The following DNAI4 variants were observed in gnomAD, a reference collection of about 807,000 sequenced individuals.
The protein encoded by DNAI4 is dynein axonemal intermediate chain 4, also known as WD repeat domain 78.
A neutral mutation model predicts 105.8 loss-of-function variants in DNAI4; 85 were observed. The ratio of observed to expected loss-of-function variants is 0.80; its 90% CI spans 0.67 to 0.96. DNAI4 has a LOEUF of 0.96. Ranked by LOEUF, DNAI4 falls within the 40% of genes least tolerant of loss-of-function variation. DNAI4 has a pLI of 0.00. For synonymous variants in DNAI4, 352 were observed against 331.5 expected (o/e 1.06, Z -0.67); for missense variants, 1,014 against 1,005.6 (o/e 1.01, Z -0.11).
At chr1:66,864,848 A>G (rs1646699115) in intron 6 of DNAI4, among the ~76,000 whole-genome samples, 1 of 152,194 alleles carries the variant, frequency 6.6e-6, no homozygotes, top group Non-Finnish European at 1.5e-5. Flanking sequence ...CTCAAAAAAG[A>G]GCAAGGTAAT....
chr1:66,911,203 A>G (rs573500860), intron 1 of DNAI4, among the ~76,000 whole-genome samples: 1 of 152,322 alleles, frequency 6.6e-6, no homozygotes, highest in Non-Finnish European at 1.5e-5. Flanking sequence ...ACTCAGAGAA[A>G]CACTTACTTT....
At chr1:66,866,051 C>G (rs1195433859) in intron 6 of DNAI4, among the ~76,000 whole-genome samples, 1 of 152,072 alleles carries the variant, frequency 6.6e-6, no homozygotes, top group South Asian at 2.1e-4. Context: ...GCTCATGTCT[C>G]ATCCCAGCAC....
chr1:66,845,183 T>A (rs1200480765), intron 8 of DNAI4, among the ~76,000 whole-genome samples: 1 of 98,604 alleles, frequency 1.0e-5, no homozygotes, highest in Admixed American at 1.2e-4. Flanking sequence ...AGAGCGAAAC[T>A]CCATCTCAAA....
chr1:66,829,334 T>C (rs1645820339), intron 13 of DNAI4, among the ~76,000 whole-genome samples: 1 of 151,962 alleles, frequency 6.6e-6, no homozygotes, highest in Non-Finnish European at 1.5e-5. Flanking sequence ...AAAATTTAAG[T>C]ATAAAGAGAC....
intron 1 of DNAI4, among the ~76,000 whole-genome samples, chr1:66,906,543 T>C (rs961861152): frequency 6.6e-6 from 1 of 152,222 alleles, no homozygotes; most frequent in Non-Finnish European, 1.5e-5. Context: ...ACTTGACATT[T>C]TGTTGTTGTC....
At chr1:66,897,343 G>T (rs1370606475) in intron 2 of DNAI4, among the ~76,000 whole-genome samples, 1 of 152,144 alleles carries the variant, frequency 6.6e-6, no homozygotes, top group Non-Finnish European at 1.5e-5. Context: ...AAAGGGATGA[G>T]ATTACAAAAA....
chr1:66,890,785 G>A lies in DNAI4; in HGVS notation c.643+369C>T, dbSNP rs1181095997. ...AGGAAGAGGAAGAAGAGGAAGAGGA[G>A]GAAGAAGAAGTGAGGAAGAAGAGGA... is the stretch of plus-strand genomic sequence containing the variant. On this transcript the variant is annotated intron_variant, in intron 4 of 16. Coordinates refer to ENST00000371026, the MANE Select transcript of DNAI4 (RefSeq NM_024763.5). This position sits in a 1 kb window ranked among gnomAD's most constrained non-coding sequence, Gnocchi z 4.1. 1.4e-5 allele frequency: 4 copies of A among 280,472 alleles called. No homozygotes were observed. Among genetic ancestry groups the A allele is most frequent in the African/African-American group, 2.4e-5 (1 of 42,142 alleles). The allele number at this position is 280,472 out of a possible 1,614,324, so 17.4% of individuals were successfully genotyped here.
At chr1:66,885,571 T>C (rs1373885478) in intron 4 of DNAI4, among the ~76,000 whole-genome samples, 2 of 152,138 alleles carry the variant, frequency 1.3e-5, no homozygotes, top group East Asian at 3.8e-4. Context: ...CTTGTTCTTC[T>C]AGCCAGGTGT....
At chr1:66,822,831 C>T (rs914994653) in intron 15 of DNAI4, among the ~76,000 whole-genome samples, 4 of 152,088 alleles carry the variant, frequency 2.6e-5, no homozygotes, top group Admixed American at 6.5e-5. Flanking sequence ...TTTGGTCAAA[C>T]ATCAGTCTAT....
intron 4 of DNAI4, among the ~76,000 whole-genome samples, chr1:66,876,105 T>G (rs778699543): frequency 6.6e-6 from 1 of 151,958 alleles, no homozygotes; most frequent in Non-Finnish European, 1.5e-5. Flanking sequence ...ATTTGTGTAA[T>G]AAATTTTAAA....
In DNAI4 at chr1:66,862,162, T is replaced by C; in HGVS notation, c.1081A>G (p.Ser361Gly). The stretch of plus-strand genomic sequence containing the variant: ...GAAATCTTACTTTTTTCTGTAGTGC[T>C]CCCTGGCAATCTTTGGTCCTGATCT... ...PKDQDQRLPG[S>G]TTEKNSETSS... The change falls in exon 7 of 17, where the codon AGC becomes GGC. Residue 361 changes from serine to glycine, a missense_variant. Coordinates refer to ENST00000371026, the MANE Select transcript of DNAI4 (RefSeq NM_024763.5). 6.3e-7 allele frequency: 1 copy of C among 1,582,016 alleles called. No individual in the cohort carries two copies. The highest frequency in any genetic ancestry group is 8.5e-7 in the Non-Finnish European group (1 of 1,169,634).
chr1:66,848,844 C>T (rs1157989901), intron 7 of DNAI4, among the ~76,000 whole-genome samples: 1 of 152,150 alleles, frequency 6.6e-6, no homozygotes, highest in Non-Finnish European at 1.5e-5. Context: ...TTTTAGATGG[C>T]AGCCATTCTA....
intron 2 of DNAI4, among the ~76,000 whole-genome samples, chr1:66,903,370 T>C (rs1328153041): frequency 2.6e-5 from 4 of 152,212 alleles, no homozygotes; most frequent in Admixed American, 6.5e-5. Context: ...ATTTGTGTTG[T>C]TGATTTTCTG....
chr1:66,891,312 A>T (rs763877482), intron 3 of DNAI4, 46 bp from the exon 4 acceptor site: 1 of 1,316,698 alleles, frequency 7.6e-7, no homozygotes, highest in Non-Finnish European at 1.1e-6. Flanking sequence ...AGATGTCCTT[A>T]TAGGAAACTA....
intron 1 of DNAI4, among the ~76,000 whole-genome samples, chr1:66,920,128 C>G (rs1343818145): frequency 6.6e-6 from 1 of 152,082 alleles, no homozygotes; most frequent in East Asian, 1.9e-4. Flanking sequence ...CATAAAAACC[C>G]CAGGCTCAGC....
chr1:66,901,008 G>C (rs538994888), intron 2 of DNAI4, among the ~76,000 whole-genome samples: 1 of 152,252 alleles, frequency 6.6e-6, no homozygotes, highest in African/African-American at 2.4e-5. Context: ...GTTAGCTGTG[G>C]GGTTTTTGTG....
intron 12 of DNAI4, 63 bp downstream of exon 12, chr1:66,833,928 G>C: frequency 6.6e-7 from 1 of 1,515,576 alleles, no homozygotes. Flanking sequence ...TTTCACACAT[G>C]GTTAACTAGA....
At chr1:66,905,131 ATCTT>A in intron 2 of DNAI4, 66 bp downstream of exon 2, 2 of 1,199,952 alleles carry the variant, frequency 1.7e-6, no homozygotes, top group Admixed American at 5.3e-5. Flanking sequence ...CATATTTTCT[ATCTT>A]TAACATTTCA....
chr1:66,843,530 A>G (rs566211693), intron 8 of DNAI4, among the ~76,000 whole-genome samples: 1 of 152,214 alleles, frequency 6.6e-6, no homozygotes, highest in South Asian at 2.1e-4. Flanking sequence ...GAAGTTTTTA[A>G]TCTTAATGAG....
Sources: allele counts gnomAD v4.1 joint callset (sites outside exome capture counted in the v4.1 genomes callset), GRCh38; gene constraint gnomAD v4.1.1; non-coding constraint Gnocchi (gnomAD v3.1); transcripts MANE v1.5; gene names NCBI Gene and HGNC (gene_info 2026-07-23, HGNC 2026-07-21).